Variants in RTN1 observed in about 807,000 individuals in gnomAD.
RTN1 encodes reticulon-1.
A neutral mutation model predicts 65.5 loss-of-function variants in RTN1; 25 were observed. The observed-to-expected ratio is 0.38, with a 90% confidence interval of 0.28 to 0.53. The LOEUF (loss-of-function observed/expected upper bound fraction) is 0.53. Ranked by LOEUF, RTN1 falls within the 20% of genes least tolerant of loss-of-function variation. RTN1 has a pLI of 0.79. For synonymous variants in RTN1, 471 were observed against 447.6 expected (o/e 1.05, Z -0.66); for missense variants, 983 against 1,025.4 (o/e 0.96, Z 0.57).
chr14:59,657,676 T>G (rs947160873), intron 3 of RTN1, among the ~76,000 whole-genome samples: 1 of 152,126 alleles, frequency 6.6e-6, no homozygotes, highest in Non-Finnish European at 1.5e-5. Flanking sequence ...AGGGAAGCCA[T>G]GAGGGACTGT....
In RTN1 at chr14:59,816,373, T is replaced by C. The variant is rs1377263712; in HGVS notation, c.241+54017A>G. On this transcript the variant is annotated intron_variant, in intron 1 of 8. Transcript: ENST00000267484. This position sits in a 1 kb window ranked among gnomAD's most constrained non-coding sequence, Gnocchi z 4.3. ...TTTGTCCATTTCTCTACCACTACAGTTGACCATATGGTAACAAGGCTAATT... is the reference window on the plus strand; with the variant it reads ...TTTGTCCATTTCTCTACCACTACAGCTGACCATATGGTAACAAGGCTAATT... Among the ~76,000 whole-genome samples, 2 of 152,152 alleles carry C rather than the reference T, an allele frequency of 1.3e-5. No homozygotes were observed. Among genetic ancestry groups the C allele is most frequent in the East Asian group, 3.8e-4 (2 of 5,196 alleles).
At position 59,717,838 on chromosome 14, in the gene RTN1, T is replaced by C. The variant is rs554188692; in HGVS notation, c.1765+9081A>G. On this transcript the variant is annotated intron_variant, in intron 3 of 8. Coordinates refer to ENST00000267484, the MANE Select transcript of RTN1 (RefSeq NM_021136.3). ...AAGTTGGGTTACTGGAGGAAAAACC[T>C]GCCAAAGATTACTCTGAGGACGTTG... Among the ~76,000 whole-genome samples the C allele has an allele frequency of 6.8e-4, 104 of 152,292 alleles. 1 individual carries two copies. The highest frequency in any genetic ancestry group is 6.6e-4 in the Non-Finnish European group (45 of 68,020).
intron 1 of RTN1, among the ~76,000 whole-genome samples, chr14:59,869,860 T>C (rs1188714158): frequency 6.6e-6 from 1 of 151,992 alleles, no homozygotes; most frequent in East Asian, 1.9e-4. Context: ...GGGAGTAAGG[T>C]GTGGTGGCGA....
chr14:59,862,239 G>A (rs1003848884), intron 1 of RTN1, among the ~76,000 whole-genome samples: 3 of 152,188 alleles, frequency 2.0e-5, no homozygotes, highest in African/African-American at 7.2e-5. Context: ...CCCCTAGGCA[G>A]AATCCTAGGC....
chr14:59,631,344 T>G (rs1882550207), intron 3 of RTN1, among the ~76,000 whole-genome samples: 1 of 152,024 alleles, frequency 6.6e-6, no homozygotes, highest in Non-Finnish European at 1.5e-5. Flanking sequence ...GTACGTGGAG[T>G]CATTGGTCAA....
intron 3 of RTN1, among the ~76,000 whole-genome samples, chr14:59,689,287 A>G (rs543332713): frequency 5.9e-4 from 90 of 152,344 alleles, no homozygotes; most frequent in African/African-American, 2.0e-3. Flanking sequence ...AAAAGTGAAC[A>G]AAGTCTTTTA....
chr14:59,845,438 C>A (rs937705649), intron 1 of RTN1, among the ~76,000 whole-genome samples: 2 of 152,290 alleles, frequency 1.3e-5, no homozygotes, highest in African/African-American at 4.8e-5. Flanking sequence ...GTTCTAATCA[C>A]TGTATTTCCC....
chr14:59,597,359 A>T (rs146316481), intron 8 of RTN1, among the ~76,000 whole-genome samples: 203 of 152,358 alleles, frequency 1.3e-3, no homozygotes, highest in African/African-American at 4.7e-3. Flanking sequence ...CTGGTCCTAA[A>T]TACTCATTAA....
chr14:59,828,160 G>T (rs1223311236), intron 1 of RTN1, among the ~76,000 whole-genome samples: 1 of 152,252 alleles, frequency 6.6e-6, no homozygotes, highest in South Asian at 2.1e-4. Flanking sequence ...ACATTCCCTC[G>T]TGTATCTTTG....
intron 4 of RTN1, 141 bp from the exon 5 acceptor site, chr14:59,605,647 G>A (rs1193508283): frequency 3.3e-5 from 26 of 779,470 alleles, no homozygotes; most frequent in Non-Finnish European, 5.1e-5. Flanking sequence ...ATGCCAGCCA[G>A]TGAGGGCCAC....
chr14:59,646,159 A>G (rs60505321), intron 3 of RTN1, among the ~76,000 whole-genome samples: 3,046 of 152,358 alleles, frequency 0.02, 106 homozygotes, highest in African/African-American at 0.069. Context: ...GATTTTCACA[A>G]TGCAGTCACA....
rs200207910 is a variant in RTN1, at chr14:59,746,247, C to G, written c.476G>C (p.Arg159Pro). ...TCCAGAATCAGAACTAAATAAGCCA[C>G]GAGACTCTATCCCAGGCACATCTGG... ...SLPDVPGIES[R>P]GLFSSDSGIE... The change falls in exon 2 of 9, where the codon CGT becomes CCT. Residue 159 changes from arginine (R) to proline (P), a missense_variant. This residue lies in a region of RTN1 where 818 missense variants were observed against 801.8 expected (regional missense o/e 1.02). Transcript: ENST00000267484. 1.9e-6 allele frequency: 3 copies of G among 1,612,724 alleles called. No individual in the cohort carries two copies. Among genetic ancestry groups the G allele is most frequent in the South Asian group, 2.2e-5 (2 of 90,826 alleles).
Position 59,790,022 on chromosome 14 carries a change from A to G in RTN1, c.242-43541T>C, listed in dbSNP as rs1162028776. ...GCTATCGAATGAGATAAAAAAGGGA[A>G]ATGCCCGAGCTAAAGCAATGAATCA... On this transcript the variant is annotated intron_variant, in intron 1 of 8. Coordinates refer to ENST00000267484, the MANE Select transcript of RTN1 (RefSeq NM_021136.3). The surrounding 1 kb of genome is among the most constrained non-coding windows in gnomAD (Gnocchi z 4.1). 1.3e-5 allele frequency among the ~76,000 whole-genome samples: 2 copies of G among 152,142 alleles called. No individual in the cohort carries two copies. Among genetic ancestry groups the G allele is most frequent in the Non-Finnish European group, 2.9e-5 (2 of 67,990 alleles).
At chr14:59,601,031 G>T (rs974153159) in intron 8 of RTN1, among the ~76,000 whole-genome samples, 3 of 151,820 alleles carry the variant, frequency 2.0e-5, no homozygotes, top group African/African-American at 7.3e-5. Context: ...TAAATCTGAT[G>T]ATATCAATCC....
intron 1 of RTN1, among the ~76,000 whole-genome samples, chr14:59,858,667 G>A (rs77710781): frequency 1.3e-5 from 2 of 152,072 alleles, no homozygotes; most frequent in South Asian, 4.1e-4. Context: ...AATTAGAATG[G>A]AGAATTCTTC....
chr14:59,629,766 T>G (rs1379425520), intron 3 of RTN1, among the ~76,000 whole-genome samples: 1 of 152,160 alleles, frequency 6.6e-6, no homozygotes, highest in Non-Finnish European at 1.5e-5. Context: ...AAATCTGTTA[T>G]ACCAAGGGCC....
At chr14:59,612,368 A>G (rs113298974) in intron 3 of RTN1, among the ~76,000 whole-genome samples, 2,513 of 152,328 alleles carry the variant, frequency 0.016, 37 homozygotes, top group African/African-American at 0.029. Context: ...GAAACCTGGT[A>G]TGCCAGCAAA....
At chr14:59,672,624 T>TC (rs1883530759) in intron 3 of RTN1, among the ~76,000 whole-genome samples, 2 of 139,010 alleles carry the variant, frequency 1.4e-5, no homozygotes, top group South Asian at 4.8e-4. Flanking sequence ...ACAAGATATT[T>TC]CTTTTTTTTT....
chr14:59,641,681 C>T (rs931721040), intron 3 of RTN1, among the ~76,000 whole-genome samples: 1 of 152,140 alleles, frequency 6.6e-6, no homozygotes, highest in Non-Finnish European at 1.5e-5. Context: ...TCTTTTTGAA[C>T]ATTTTAGTGA....
Sources: gnomAD v4.1 joint callset for allele counts (sites outside exome capture counted in the v4.1 genomes callset) on GRCh38, gnomAD v4.1.1 for gene constraint, gnomAD v4.1.1 regional missense constraint, Gnocchi (gnomAD v3.1) non-coding constraint, MANE v1.5 for transcripts, NCBI Gene and HGNC (gene_info 2026-07-23, HGNC 2026-07-21) for gene names.